The following PARP8 variants were observed in gnomAD, a reference collection of about 807,000 sequenced individuals.
The protein encoded by PARP8 is poly(ADP-ribose) polymerase family member 8, also known as protein mono-ADP-ribosyltransferase PARP8.
PARP8 carries 51 observed loss-of-function variants against 124.1 expected under a neutral mutation model. The observed-to-expected ratio is 0.41, with a 90% CI of 0.33 to 0.52. The LOEUF (loss-of-function observed/expected upper bound fraction) is 0.52, where lower values mean the gene tolerates loss of function less well. Among genes scored for constraint, PARP8 ranks in the 20% least tolerant of loss-of-function variants. The pLI is 0.21. For synonymous variants in PARP8, 391 were observed against 361.5 expected (o/e 1.08, Z -0.93); for missense variants, 860 against 1,018.9 (o/e 0.84, Z 2.12).
Position 50,794,224 on chromosome 5 carries a change from T to A in PARP8, c.755T>A (p.Val252Asp). 6.2e-7 allele frequency: 1 copy of A among 1,612,500 alleles called. No individual in the cohort carries two copies. The highest frequency in any genetic ancestry group is 8.5e-7 in the Non-Finnish European group (1 of 1,179,090). The change falls in exon 11 of 26, where the codon GTT becomes GAT. Residue 252 changes from valine (V) to aspartate (D), a missense_variant. By Grantham distance (152) the Val-to-Asp change is radical. This residue lies in a region of PARP8 where 517 missense variants were observed against 544.2 expected (regional missense o/e 0.95). Transcript: ENST00000281631. ...ATTGACAGAATCATGCAGACATTTG[T>A]TACACAGCAGTGGAAACAGAGCAAA... ...HQLKKIMQTF[V>D]TQQWKQSKEK...
intron 14 of PARP8, among the ~76,000 whole-genome samples, chr5:50,800,148 A>G (rs1278000464): frequency 3.9e-5 from 6 of 152,214 alleles, no homozygotes; most frequent in African/African-American, 1.4e-4. Context: ...TTCAAGTCTT[A>G]CACTTCCTTG....
chr5:50,747,922 G>A (rs541786186), intron 2 of PARP8, among the ~76,000 whole-genome samples: 1 of 151,604 alleles, frequency 6.6e-6, no homozygotes, highest in African/African-American at 2.4e-5. Flanking sequence ...ACAGGCGCCT[G>A]CCACCGCGCC....
At chr5:50,760,554 T>TA (rs1760444738) in intron 5 of PARP8, among the ~76,000 whole-genome samples, 192 bp downstream of exon 5, 1 of 152,044 alleles carries the variant, frequency 6.6e-6, no homozygotes, top group Non-Finnish European at 1.5e-5. Flanking sequence ...AAGTTCCCCT[T>TA]AAAATCATAG....
In PARP8 at chr5:50,844,227, A is replaced by T. The variant is rs920563684; in HGVS notation, c.*2159A>T. ...TTTAATGCTAGGCATCTTTTATGAT[A>T]ATAAAGTAAGATGTCTTCTTATGAC... is the stretch of plus-strand genomic sequence containing the variant. On this transcript the variant is annotated 3_prime_UTR_variant, in exon 26 of 26. Transcript: ENST00000281631. 21 of 151,998 alleles carry T rather than the reference A, an allele frequency of 1.4e-4. No homozygotes were observed. Among genetic ancestry groups the T allele is most frequent in the African/African-American group, 4.8e-4 (20 of 41,538 alleles). The allele number at this position is 151,998 out of a possible 1,614,324, so 9.4% of individuals were successfully genotyped here.
chr5:50,798,229 A>T lies in PARP8; in HGVS notation c.1575+996A>T, dbSNP rs1362087497. On this transcript the variant is annotated intron_variant, in intron 14 of 25. Transcript: ENST00000281631. ...CATCAGTCGATGGAATTGCTAGAACATATGTTAACTCTGTTTAACTTTTTG... is the reference window on the plus strand; with the variant it reads ...CATCAGTCGATGGAATTGCTAGAACTTATGTTAACTCTGTTTAACTTTTTG... Among the ~76,000 whole-genome samples, 3 of 152,186 alleles carry T rather than the reference A, an allele frequency of 2.0e-5. No homozygotes were observed. In the East Asian group the frequency reaches 5.8e-4, roughly 29 times the overall value.
chr5:50,761,933 A>C (rs1205067467), intron 6 of PARP8, 35 bp downstream of exon 6: 2 of 1,375,878 alleles, frequency 1.5e-6, no homozygotes, highest in Non-Finnish European at 2.1e-6. Flanking sequence ...ACCTAGTCTT[A>C]AAGTTCTAAT....
Position 50,778,612 on chromosome 5 carries a change from G to T in PARP8, c.632G>T (p.Arg211Leu). The T allele has an allele frequency of 6.2e-7, 1 of 1,608,520 alleles. No homozygotes were observed. Among genetic ancestry groups the T allele is most frequent in the South Asian group, 1.1e-5 (1 of 89,506 alleles). Residue 211 changes from arginine to leucine, a missense_variant, in exon 9 of 26, where the codon CGA (arginine) becomes CTA (leucine). By Grantham distance (102) the Arg-to-Leu change is moderately radical. Coordinates refer to ENST00000281631, the MANE Select transcript of PARP8 (RefSeq NM_024615.4). ...EVIRTEPIIV[R>L]LHCSLTQYLN... ...ATTCGAACAGAACCTATAATTGTTC[G>T]ACTACACTGTTCACTTACACAGTAT...
At chr5:50,782,860 AAAAC>A (rs1170784197) in intron 9 of PARP8, among the ~76,000 whole-genome samples, 2 of 152,198 alleles carry the variant, frequency 1.3e-5, no homozygotes, top group African/African-American at 4.8e-5. Flanking sequence ...GTTGGGAAGA[AAAAC>A]AGGATGGTGA....
intron 2 of PARP8, among the ~76,000 whole-genome samples, chr5:50,678,613 C>T (rs1410767392): frequency 6.6e-6 from 1 of 152,124 alleles, no homozygotes; most frequent in African/African-American, 2.4e-5. Flanking sequence ...ATAAATCACG[C>T]TTGTTAACAT....
intron 2 of PARP8, among the ~76,000 whole-genome samples, chr5:50,727,183 A>G (rs1218110626): frequency 6.6e-6 from 1 of 152,156 alleles, no homozygotes; most frequent in Non-Finnish European, 1.5e-5. Context: ...AGTGGGCTGT[A>G]GTATTTTTAT....
intron 2 of PARP8, among the ~76,000 whole-genome samples, chr5:50,712,091 A>C (rs1428578064): frequency 4.6e-5 from 7 of 152,276 alleles, no homozygotes; most frequent in African/African-American, 1.7e-4. Flanking sequence ...TAAGAGTAGT[A>C]AGTTTTATTA....
At chr5:50,787,248 AT>A (rs1741364397) in intron 9 of PARP8, among the ~76,000 whole-genome samples, 1 of 151,968 alleles carries the variant, frequency 6.6e-6, no homozygotes, top group Non-Finnish European at 1.5e-5. Context: ...TTCCTGACTG[AT>A]TTTCCTGTTT....
chr5:50,748,245 T>A (rs1758833253), intron 2 of PARP8, among the ~76,000 whole-genome samples: 1 of 151,912 alleles, frequency 6.6e-6, no homozygotes, highest in African/African-American at 2.4e-5. Flanking sequence ...TTTCTGATAG[T>A]TATTATTTAG....
At chr5:50,692,415 C>CCCAGATGACT (rs1752587897) in intron 2 of PARP8, among the ~76,000 whole-genome samples, 1 of 152,104 alleles carries the variant, frequency 6.6e-6, no homozygotes, top group African/African-American at 2.4e-5. Flanking sequence ...AATACTTAGT[C>CCCAGATGACT]ATCTGGGGAT....
chr5:50,761,435 CA>C (rs1760532716), intron 5 of PARP8, among the ~76,000 whole-genome samples: 2 of 151,708 alleles, frequency 1.3e-5, no homozygotes, highest in Admixed American at 1.3e-4. Flanking sequence ...TTAGAGTTGG[CA>C]GGGGAAGTGA....
chr5:50,691,296 G>C (rs898997375), intron 2 of PARP8, among the ~76,000 whole-genome samples: 1 of 152,104 alleles, frequency 6.6e-6, no homozygotes, highest in Non-Finnish European at 1.5e-5. Context: ...TCCATCCTCA[G>C]GTTTTCTCTT....
chr5:50,781,278 T>C (rs1002097863), intron 9 of PARP8, among the ~76,000 whole-genome samples: 8 of 152,198 alleles, frequency 5.3e-5, no homozygotes, highest in Admixed American at 5.2e-4. Context: ...TTATCACCAG[T>C]CGCTTTTGTT....
chr5:50,674,516 C>T (rs1265984357), intron 2 of PARP8, among the ~76,000 whole-genome samples: 1 of 152,190 alleles, frequency 6.6e-6, no homozygotes, highest in African/African-American at 2.4e-5. Context: ...TTTATTTACA[C>T]CTGAACTCTT....
Position 50,668,142 on chromosome 5 carries a change from A to G in PARP8, c.146+17A>G, listed in dbSNP as rs759602056. On this transcript the variant is annotated intron_variant, in intron 2 of 25. Transcript: ENST00000281631. ...CCCCAGAAGGTATTTATGTGTATAG[A>G]GTTGCTTCATTTCCTGTTCACACTC... 2 of 1,581,096 alleles carry G rather than the reference A, an allele frequency of 1.3e-6. No individual in the cohort carries two copies. Among genetic ancestry groups the G allele is most frequent in the East Asian group, 2.2e-5 (1 of 44,700 alleles).
Sources: gnomAD v4.1 joint callset for allele counts (sites outside exome capture counted in the v4.1 genomes callset) on GRCh38, gnomAD v4.1.1 for gene constraint, gnomAD v4.1.1 regional missense constraint, MANE v1.5 for transcripts, NCBI Gene and HGNC (gene_info 2026-07-23, HGNC 2026-07-21) for gene names.